Variants in BMPER observed in about 807,000 individuals in gnomAD.
BMPER encodes BMP binding endothelial regulator, also known as BMP-binding endothelial regulator protein.
Under a neutral mutation model 87.3 loss-of-function variants are expected in BMPER, and 45 were observed. The ratio of observed to expected loss-of-function variants is 0.52; its 90% CI spans 0.41 to 0.66. The LOEUF is 0.66. Among genes scored for constraint, BMPER ranks in the 30% least tolerant of loss-of-function variants. BMPER has a pLI of 0.00. For synonymous variants in BMPER, 326 were observed against 316.2 expected (o/e 1.03, Z -0.33); for missense variants, 784 against 867.5 (o/e 0.90, Z 1.21).
At chr7:34,082,526 T>A (rs1180296448) in intron 12 of BMPER, among the ~76,000 whole-genome samples, 2 of 152,116 alleles carry the variant, frequency 1.3e-5, no homozygotes, top group Non-Finnish European at 2.9e-5. Context: ...AATGTAATAA[T>A]GGCAAGGAGA....
At chr7:33,905,538 C>G, upstream of BMPER, 3 of 1,567,108 alleles carry the variant, frequency 1.9e-6, no homozygotes, top group Non-Finnish European at 1.7e-6. Context: ...GAGCCCTTTT[C>G]GACTGTGAGC....
intron 11 of BMPER, among the ~76,000 whole-genome samples, chr7:34,064,136 C>G (rs140655661): frequency 3.3e-5 from 5 of 152,194 alleles, no homozygotes; most frequent in African/African-American, 4.8e-5. Flanking sequence ...ACTAAAAATA[C>G]AAAAATTAGC....
At chr7:33,953,633 T>G (rs940727366) in intron 3 of BMPER, among the ~76,000 whole-genome samples, 23 of 152,184 alleles carry the variant, frequency 1.5e-4, no homozygotes, top group African/African-American at 5.5e-4. Flanking sequence ...TTCTTTTTTA[T>G]GGCGAGACAC....
At chr7:34,059,813 A>C (rs1189694299) in intron 10 of BMPER, among the ~76,000 whole-genome samples, 2 of 150,464 alleles carry the variant, frequency 1.3e-5, no homozygotes, top group Non-Finnish European at 2.9e-5. Flanking sequence ...TGGCTACTGC[A>C]TATTCTCTTT....
intron 6 of BMPER, among the ~76,000 whole-genome samples, chr7:34,023,694 A>G (rs1297666675): frequency 6.6e-6 from 1 of 152,108 alleles, no homozygotes; most frequent in Non-Finnish European, 1.5e-5. Context: ...GAGTTTCCAG[A>G]GAATACTGGA....
At chr7:34,049,463 T>C (rs755329325) in intron 7 of BMPER, among the ~76,000 whole-genome samples, 13 of 152,154 alleles carry the variant, frequency 8.5e-5, no homozygotes, top group Non-Finnish European at 1.8e-4. Context: ...CAGCCATTCC[T>C]CCACCTGTGG....
chr7:34,040,314 T>C (rs1355585751), intron 6 of BMPER, among the ~76,000 whole-genome samples: 1 of 152,162 alleles, frequency 6.6e-6, no homozygotes, highest in Non-Finnish European at 1.5e-5. Flanking sequence ...GGTGCCCCTA[T>C]AGGCAGAGCC....
intron 13 of BMPER, among the ~76,000 whole-genome samples, chr7:34,120,345 A>G (rs1790229727): frequency 6.6e-6 from 1 of 151,520 alleles, no homozygotes; most frequent in Non-Finnish European, 1.5e-5. Flanking sequence ...TTAAATTTCA[A>G]TTTCAAAAAA....
At chr7:33,906,150 G>C (rs905395159) in intron 1 of BMPER, among the ~76,000 whole-genome samples, 2 of 152,146 alleles carry the variant, frequency 1.3e-5, no homozygotes, top group African/African-American at 4.8e-5. Context: ...TTAAAGCACT[G>C]GCTCTCAAGA....
intron 11 of BMPER, among the ~76,000 whole-genome samples, chr7:34,070,912 T>C (rs2127970227): frequency 6.6e-6 from 1 of 151,982 alleles, no homozygotes; most frequent in African/African-American, 2.4e-5. Context: ...TGCTGGTTGT[T>C]TGGAATACAT....
At chr7:34,063,320 ACT>A in intron 11 of BMPER, among the ~76,000 whole-genome samples, 1 of 151,782 alleles carries the variant, frequency 6.6e-6, no homozygotes, top group Middle Eastern at 3.4e-3. Flanking sequence ...GAATTACTAG[ACT>A]CTGTTATTTT....
intron 3 of BMPER, among the ~76,000 whole-genome samples, chr7:33,952,074 A>G (rs1455314039): frequency 1.3e-5 from 2 of 152,214 alleles, no homozygotes; most frequent in Admixed American, 6.5e-5. Context: ...CTGATCACCT[A>G]AATGTAATTT....
intron 3 of BMPER, among the ~76,000 whole-genome samples, chr7:33,953,626 T>C (rs1402476365): frequency 6.6e-6 from 1 of 152,132 alleles, no homozygotes; most frequent in Admixed American, 6.5e-5. Context: ...AACTGTGTTC[T>C]TTTTTATGGC....
At chr7:34,072,132 A>C (rs1788750941) in intron 11 of BMPER, among the ~76,000 whole-genome samples, 1 of 152,236 alleles carries the variant, frequency 6.6e-6, no homozygotes, top group South Asian at 2.1e-4. Flanking sequence ...ATGAATATAC[A>C]ATGTGCACAG....
chr7:34,073,731 A>G (rs1788793219), intron 11 of BMPER, among the ~76,000 whole-genome samples: 1 of 152,266 alleles, frequency 6.6e-6, no homozygotes, highest in Non-Finnish European at 1.5e-5. Flanking sequence ...AAGGAAAAAC[A>G]TAGTGTGACT....
intron 2 of BMPER, among the ~76,000 whole-genome samples, chr7:33,932,960 A>G (rs76304326): frequency 0.016 from 2,422 of 152,164 alleles, 75 homozygotes; most frequent in African/African-American, 0.055. Context: ...GGGAGAGCTC[A>G]TTTCTCTCCC....
intron 11 of BMPER, among the ~76,000 whole-genome samples, chr7:34,070,535 C>T (rs888342243): frequency 6.6e-6 from 1 of 152,070 alleles, no homozygotes; most frequent in African/African-American, 2.4e-5. Context: ...TTTTGCACAC[C>T]CCTGTCAGAA....
chr7:34,078,500 A>G lies in BMPER; in HGVS notation c.1079-357A>G, dbSNP rs186744767. ...ATGTTGCTCCCATTTGTTTATTTAT[A>G]TACTTACTTTGCTCTTGTATGTGTG... On this transcript the variant is annotated intron_variant, in intron 11 of 14. Transcript: ENST00000649409. 8.0e-4 allele frequency among the ~76,000 whole-genome samples: 122 copies of G among 152,292 alleles called. 1 individual carries two copies. The highest frequency in any genetic ancestry group is 2.7e-3 in the African/African-American group (112 of 41,564).
chr7:34,065,242 CT>C (rs1333577893), intron 11 of BMPER, among the ~76,000 whole-genome samples: 14 of 150,200 alleles, frequency 9.3e-5, no homozygotes, highest in South Asian at 4.3e-4. Context: ...CTCTCTCTCT[CT>C]CTCTCCCTCT....
Sources: gnomAD v4.1 joint callset for allele counts (sites outside exome capture counted in the v4.1 genomes callset) on GRCh38, gnomAD v4.1.1 for gene constraint, MANE v1.5 for transcripts, NCBI Gene and HGNC (gene_info 2026-07-23, HGNC 2026-07-21) for gene names.